The following MKS1 variants were observed in gnomAD, a reference collection of about 807,000 sequenced individuals.
The protein encoded by MKS1 is MKS transition zone complex subunit 1.
In MKS1, 70 loss-of-function variants were observed where a neutral mutation model predicts 83.7. That is an observed-to-expected ratio of 0.84 (90% confidence interval 0.69 to 1.02). The LOEUF (loss-of-function observed/expected upper bound fraction) is 1.02, where lower values mean the gene tolerates loss of function less well. Among genes scored for constraint, MKS1 ranks in the 50% least tolerant of loss-of-function variants. The pLI is 0.00. For synonymous variants in MKS1, 251 were observed against 273.4 expected, an observed-to-expected ratio of 0.92 and a Z score of 0.81; for missense variants, 681 against 726.9, an observed-to-expected ratio of 0.94 and a Z score of 0.73.
In MKS1 at chr17:58,205,560, C is replaced by T. The variant is rs1337795928; in HGVS notation, c.*519G>A. The T allele has an allele frequency of 7.7e-7, 1 of 1,304,678 alleles. No homozygotes were observed. Among genetic ancestry groups the T allele is most frequent in the African/African-American group, 1.5e-5 (1 of 65,886 alleles). The allele number at this position is 1,304,678 out of a possible 1,614,324, so 80.8% of individuals were successfully genotyped here. A position where few individuals can be genotyped will look rare whatever the true frequency, so the allele number is the denominator to read the frequency against. On this transcript the variant is annotated 3_prime_UTR_variant, in exon 18 of 18. Transcript: ENST00000393119. ...GCACTGCCTTCAGCCTTCACTTACT[C>T]AGAAATAACTCATATCTCAACCTCA...
Position 58,214,133 on chromosome 17 carries a change from TAAG to T in MKS1, c.644+123_644+125del, listed in dbSNP as rs551882118. ...GGCAGTGAGAAGCTTCACTCATAAC[TAAG>T]AAGAGAAGGAAGAAAAAGTCCCTCC... On this transcript the variant is annotated intron_variant, in intron 6 of 17. Transcript: ENST00000393119. 7.3e-5 allele frequency: 104 copies of T among 1,430,368 alleles called. No homozygotes were observed. The South Asian group carries it at 1.1e-3, about 16-fold the overall frequency. 88.6% of individuals were successfully genotyped at this position (1,430,368 alleles called of 1,614,324 possible). A position where few individuals can be genotyped will look rare whatever the true frequency, so the allele number is the denominator to read the frequency against.
Position 58,218,634 on chromosome 17 carries a change from G to A in MKS1, c.176C>T (p.Pro59Leu), listed in dbSNP as rs1183027576. 5.0e-6 allele frequency: 8 copies of A among 1,610,674 alleles called. No individual in the cohort carries two copies. The highest frequency in any genetic ancestry group is 6.8e-6 in the Non-Finnish European group (8 of 1,176,912). The part of the protein sequence containing the change: ...KDLIDLATFR[P>L]QPTASGHRPE... ...GTAACACCCACTGGCAGTTGGCTGAGGCCTAAAAGTGGCCAAGTCTATGAG... is the reference window on the plus strand; with the variant it reads ...GTAACACCCACTGGCAGTTGGCTGAAGCCTAAAAGTGGCCAAGTCTATGAG... The change falls in exon 2 of 18, where the codon CCT becomes CTT. Residue 59 changes from proline (P) to leucine (L), a missense_variant. Pro to Leu is a moderately conservative substitution (Grantham distance 98, BLOSUM62 -3). Around this residue, in one of 3 missense-constraint regions of MKS1, gnomAD observed 365 missense variants for 383.8 expected, o/e 0.95. Coordinates refer to ENST00000393119, the MANE Select transcript of MKS1 (RefSeq NM_017777.4).
At chr17:58,206,431 A>T (rs1414830984) in intron 16 of MKS1, 34 bp downstream of exon 16, 1 of 1,613,066 alleles carries the variant, frequency 6.2e-7, no homozygotes, top group Non-Finnish European at 8.5e-7. Flanking sequence ...CCTCAGGGCT[A>T]AGGTGCCCTG....
In MKS1 at chr17:58,214,711, G is replaced by A. The variant is rs762274945; in HGVS notation, c.515+30C>T. On this transcript the variant is annotated intron_variant, in intron 5 of 17. Coordinates refer to ENST00000393119, the MANE Select transcript of MKS1 (RefSeq NM_017777.4). ...CAACTTTAGGAAATAAAAAGTAAAA[G>A]CTTGTCCCCCATCCCATGCCCGCAC... 17 of 1,588,802 alleles carry A rather than the reference G, an allele frequency of 1.1e-5. 1 individual carries two copies. In the South Asian group the frequency reaches 1.5e-4, roughly 14 times the overall value.
intron 2 of MKS1, among the ~76,000 whole-genome samples, chr17:58,217,296 G>A (rs1380019888): frequency 6.6e-6 from 1 of 152,202 alleles, no homozygotes; most frequent in African/African-American, 2.4e-5. Flanking sequence ...GCCCGCTCCA[G>A]GAAATATCTA....
intron 4 of MKS1, 112 bp downstream of exon 4, chr17:58,215,976 C>A: frequency 7.6e-7 from 1 of 1,314,392 alleles, no homozygotes. Flanking sequence ...AGTTCCTAGA[C>A]AGGCTACTTG....
At position 58,205,851 on chromosome 17, in the gene MKS1, G is replaced by T. The variant is rs1968470699; in HGVS notation, c.*228C>A. On this transcript the variant is annotated 3_prime_UTR_variant, in exon 18 of 18. Coordinates refer to ENST00000393119, the MANE Select transcript of MKS1 (RefSeq NM_017777.4). ...CTTGCTGTGATGCCCATTGACAGTG[G>T]CTGCAAATATAAAGGGGGGGCCACA... The T allele has an allele frequency of 2.1e-6, 3 of 1,437,870 alleles. No homozygotes were observed. Among genetic ancestry groups the T allele is most frequent in the African/African-American group, 2.9e-5 (2 of 69,714 alleles). 89.1% of individuals were successfully genotyped at this position (1,437,870 alleles called of 1,614,324 possible). A position where few individuals can be genotyped will look rare whatever the true frequency, so the allele number is the denominator to read the frequency against.
Position 58,216,731 on chromosome 17 carries a change from G to A in MKS1, c.196C>T (p.His66Tyr), listed in dbSNP as rs756716716. 1 of 1,614,134 alleles carries A rather than the reference G, an allele frequency of 6.2e-7. No individual in the cohort carries two copies. Residue 66 changes from histidine (H) to tyrosine (Y), a missense_variant, in exon 3 of 18, where the codon CAC (histidine) becomes TAC (tyrosine). His to Tyr is a moderately conservative substitution (Grantham distance 83). Around this residue, in one of 3 missense-constraint regions of MKS1, gnomAD observed 365 missense variants for 383.8 expected, o/e 0.95. Coordinates refer to ENST00000393119, the MANE Select transcript of MKS1 (RefSeq NM_017777.4). ...TFRPQPTASG[H>Y]RPEEDEEEEI... ...TCCTCTTCGTCTTCCTCTGGGCGGTGTCCACCTCCAAAGACAACAGAGTGA... is the reference window on the plus strand; with the variant it reads ...TCCTCTTCGTCTTCCTCTGGGCGGTATCCACCTCCAAAGACAACAGAGTGA...
At position 58,214,828 on chromosome 17, in the gene MKS1, C is replaced by A. The variant is rs758424317; in HGVS notation, c.428G>T (p.Arg143Ile). The A allele has an allele frequency of 3.1e-6, 5 of 1,602,862 alleles. No individual in the cohort carries two copies. The Admixed American group carries it at 8.3e-5, about 27-fold the overall frequency. The change falls in exon 5 of 18, where the codon AGA (arginine) becomes ATA (isoleucine). Residue 143 changes from arginine to isoleucine, a missense_variant. Physicochemically the swap from Arg to Ile is moderately conservative, Grantham distance 97. This residue lies in a region of MKS1 where 365 missense variants were observed against 383.8 expected (regional missense o/e 0.95). Coordinates refer to ENST00000393119, the MANE Select transcript of MKS1 (RefSeq NM_017777.4). ...RYTNLEEHCQ[R>I]MTTAASEVPS... The stretch of plus-strand genomic sequence containing the variant: ...CACCTCGCTGGCTGCAGTGGTCATT[C>A]TCTGACAGTGCTGGGAAAAGCAAGC...
In MKS1 at chr17:58,209,509, TG is replaced by T. The variant is rs1968746344; in HGVS notation, c.1025-927del. Among the ~76,000 whole-genome samples, 1 of 152,140 alleles carries T rather than the reference TG, an allele frequency of 6.6e-6. No individual in the cohort carries two copies. The highest frequency in any genetic ancestry group is 1.9e-4 in the East Asian group (1 of 5,194). ...GAGTGATTGGGAGGCTCATTTAGAC[TG>T]GGTGGTAAGAGAAGGCCTCTCAGAG... On this transcript the variant is annotated intron_variant, in intron 11 of 17. Coordinates refer to ENST00000393119, the MANE Select transcript of MKS1 (RefSeq NM_017777.4). This position sits in a 1 kb window ranked among gnomAD's most constrained non-coding sequence, Gnocchi z 4.1.
intron 2 of MKS1, among the ~76,000 whole-genome samples, chr17:58,217,815 C>T (rs192804744): frequency 5.7e-4 from 87 of 152,244 alleles, no homozygotes; most frequent in African/African-American, 1.3e-3. Flanking sequence ...CAAAACAAAA[C>T]GAAAACAAAA....
chr17:58,208,955 CAT>C (rs1968704719), intron 11 of MKS1, among the ~76,000 whole-genome samples: 1 of 152,234 alleles, frequency 6.6e-6, no homozygotes, highest in African/African-American at 2.4e-5. Context: ...TGACACAGCA[CAT>C]GTTTCAGAGA....
chr17:58,207,011 C>A, intron 15 of MKS1, 74 bp downstream of exon 15: 1 of 1,603,208 alleles, frequency 6.2e-7, no homozygotes, highest in South Asian at 1.1e-5. Context: ...GGGGTCTTGA[C>A]CCAGATCCCA....
intron 11 of MKS1, among the ~76,000 whole-genome samples, chr17:58,210,251 G>C (rs1221379109): frequency 6.6e-6 from 1 of 152,234 alleles, no homozygotes; most frequent in Admixed American, 6.5e-5. Flanking sequence ...GAGACGTATT[G>C]ATGGTATTTA....
intron 2 of MKS1, 124 bp from the exon 3 acceptor site, chr17:58,216,860 A>G: frequency 1.1e-6 from 1 of 940,468 alleles, no homozygotes; most frequent in South Asian, 1.4e-5. Flanking sequence ...GAATTCAGCA[A>G]TTTAGTAAGC....
At chr17:58,213,137 T>C (rs565011168) in intron 7 of MKS1, 47 bp from the exon 8 acceptor site, 3 of 1,573,364 alleles carry the variant, frequency 1.9e-6, no homozygotes, top group East Asian at 2.2e-5. Flanking sequence ...TAATGAGAGA[T>C]GGGCCCTGGG....
chr17:58,208,970 A>G (rs190967814), intron 11 of MKS1, among the ~76,000 whole-genome samples: 2 of 152,288 alleles, frequency 1.3e-5, no homozygotes, highest in African/African-American at 4.8e-5. Flanking sequence ...TTCAGAGAGC[A>G]CGGGGTTGGG....
Position 58,214,324 on chromosome 17 carries a change from G to A in MKS1, c.579C>T (p.Asn193=). 1 of 1,614,052 alleles carries A rather than the reference G, an allele frequency of 6.2e-7. No homozygotes were observed. The highest frequency in any genetic ancestry group is 2.2e-5 in the East Asian group (1 of 44,876). Residue 193 remains asparagine, a synonymous_variant, in exon 6 of 18, where the codon AAC becomes AAT. Coordinates refer to ENST00000393119, the MANE Select transcript of MKS1 (RefSeq NM_017777.4). ...TWEPSEEFVR[N]NHVINTPLQT... Reference sequence around the variant, plus strand: ...GAAGAGGGGTGTTAATGACGTGGTTGTTCCTGACAAACTCTTCTGAGGGCT... The same window carrying A: ...GAAGAGGGGTGTTAATGACGTGGTTATTCCTGACAAACTCTTCTGAGGGCT...
chr17:58,214,865 C>G (rs375851052), intron 4 of MKS1, 27 bp from the exon 5 acceptor site: 1 of 1,585,186 alleles, frequency 6.3e-7, no homozygotes, highest in Non-Finnish European at 8.5e-7. Context: ...GCCCTGTGTA[C>G]GCCATCTGGT....
Sources: allele counts gnomAD v4.1 joint callset (sites outside exome capture counted in the v4.1 genomes callset), GRCh38; gene constraint gnomAD v4.1.1; regional missense constraint gnomAD v4.1.1; non-coding constraint Gnocchi (gnomAD v3.1); transcripts MANE v1.5; gene names NCBI Gene and HGNC (gene_info 2026-07-23, HGNC 2026-07-21).